The following KCTD16 variants were observed in gnomAD, a reference collection of about 807,000 sequenced individuals.
KCTD16 encodes the protein potassium channel tetramerization domain containing 16, also known as BTB/POZ domain-containing protein KCTD16.
Under a neutral mutation model 33.2 loss-of-function variants are expected in KCTD16, and 13 were observed. That is an observed-to-expected ratio of 0.39 (90% CI 0.25 to 0.62). The LOEUF (loss-of-function observed/expected upper bound fraction) is 0.62, where lower values mean the gene tolerates loss of function less well. Among genes scored for constraint, KCTD16 ranks in the 20% least tolerant of loss-of-function variants. KCTD16 has a pLI of 0.50. For synonymous variants in KCTD16, 197 were observed against 195.3 expected (o/e 1.01, Z -0.07); for missense variants, 441 against 525.1 (o/e 0.84, Z 1.57).
intron 2 of KCTD16, among the ~76,000 whole-genome samples, chr5:144,182,508 G>A (rs1434051805): frequency 6.6e-6 from 1 of 152,188 alleles, no homozygotes; most frequent in Non-Finnish European, 1.5e-5. Flanking sequence ...AGGTCAAAGG[G>A]TACAAAGTAG....
intron 3 of KCTD16, among the ~76,000 whole-genome samples, chr5:144,355,759 G>A (rs1391189175): frequency 6.6e-6 from 1 of 151,964 alleles, no homozygotes; most frequent in Admixed American, 6.6e-5. Context: ...ATTTGTTCAA[G>A]GCATTCTCAG....
intron 2 of KCTD16, among the ~76,000 whole-genome samples, chr5:144,201,276 T>A (rs973188900): frequency 1.3e-5 from 2 of 152,212 alleles, no homozygotes; most frequent in African/African-American, 4.8e-5. Context: ...TTTTAACCAC[T>A]GCGATACTGA....
intron 3 of KCTD16, among the ~76,000 whole-genome samples, chr5:144,390,717 C>T (rs1233957804): frequency 2.4e-4 from 36 of 151,948 alleles, no homozygotes; most frequent in Admixed American, 2.4e-3. Context: ...TGATGTTCCC[C>T]TCCCTGTGCC....
At chr5:144,253,433 G>A (rs1378969468) in intron 3 of KCTD16, among the ~76,000 whole-genome samples, 2 of 152,126 alleles carry the variant, frequency 1.3e-5, no homozygotes, top group African/African-American at 4.8e-5. Flanking sequence ...GTATCTTCAT[G>A]ATGCCAAGAA....
At chr5:144,176,634 C>T (rs1397478262) in intron 2 of KCTD16, among the ~76,000 whole-genome samples, 1 of 151,314 alleles carries the variant, frequency 6.6e-6, no homozygotes, top group Non-Finnish European at 1.5e-5. Flanking sequence ...GATCTCCTGA[C>T]CTCATGATCC....
chr5:144,327,873 C>T (rs184883313), intron 3 of KCTD16, among the ~76,000 whole-genome samples: 97 of 152,090 alleles, frequency 6.4e-4, no homozygotes, highest in Admixed American at 1.7e-3. Context: ...TGCAGCTTTC[C>T]GATGTTATAA....
intron 3 of KCTD16, among the ~76,000 whole-genome samples, chr5:144,304,345 A>C (rs1751532202): frequency 6.6e-6 from 1 of 152,190 alleles, no homozygotes; most frequent in Non-Finnish European, 1.5e-5. Flanking sequence ...TGCTGCACTT[A>C]GCTTTAGTCT....
intron 3 of KCTD16, among the ~76,000 whole-genome samples, chr5:144,390,763 G>A (rs1037290328): frequency 1.3e-5 from 2 of 151,968 alleles, no homozygotes; most frequent in African/African-American, 4.8e-5. Context: ...ACTTATGAGT[G>A]AGAACATGGG....
intron 3 of KCTD16, among the ~76,000 whole-genome samples, chr5:144,225,696 C>G (rs1352312569): frequency 6.6e-6 from 1 of 152,020 alleles, no homozygotes; most frequent in Non-Finnish European, 1.5e-5. Context: ...TCTTAGTGCC[C>G]TAGCAGGCAT....
intron 3 of KCTD16, among the ~76,000 whole-genome samples, chr5:144,213,882 T>C (rs1269144205): frequency 2.6e-5 from 4 of 152,230 alleles, no homozygotes; most frequent in African/African-American, 9.6e-5. Flanking sequence ...CTTCCATTCT[T>C]GTCATTAGAT....
At chr5:144,265,053 T>G (rs1197579704) in intron 3 of KCTD16, among the ~76,000 whole-genome samples, 1 of 152,226 alleles carries the variant, frequency 6.6e-6, no homozygotes, top group Non-Finnish European at 1.5e-5. Context: ...AACTCTCTAC[T>G]ATAGAAGAAT....
chr5:144,417,876 G>A (rs1703364713), intron 3 of KCTD16, among the ~76,000 whole-genome samples: 1 of 152,096 alleles, frequency 6.6e-6, no homozygotes. Context: ...CCTTCCTGTG[G>A]ATTCCTGGTC....
chr5:144,253,875 TAAACTTTAA>T (rs1289539485), intron 3 of KCTD16, among the ~76,000 whole-genome samples: 1 of 152,242 alleles, frequency 6.6e-6, no homozygotes, highest in East Asian at 1.9e-4. Flanking sequence ...GTTTTATACT[TAAACTTTAA>T]AAAATATGTT....
chr5:144,255,315 T>G (rs769039811), intron 3 of KCTD16, among the ~76,000 whole-genome samples: 4 of 152,206 alleles, frequency 2.6e-5, no homozygotes, highest in Non-Finnish European at 5.9e-5. Flanking sequence ...AGCCTCAAAT[T>G]GTATTGATTT....
At position 144,473,847 on chromosome 5, in the gene KCTD16, G is replaced by A. The variant is rs1454017193; in HGVS notation, c.1020G>A (p.Gln340=). The change falls in exon 4 of 4, where the codon CAG becomes CAA. Residue 340 remains glutamine (Q), a synonymous_variant. Coordinates refer to ENST00000512467, the MANE Select transcript of KCTD16 (RefSeq NM_020768.4). ...CGPVTRQTNI[Q]TLDRPIKKGP... is the part of the protein sequence containing the mutation. ...CCGTGACACGCCAGACCAACATCCA[G>A]ACTCTGGACCGTCCCATCAAGAAGG... 1.2e-5 allele frequency: 20 copies of A among 1,614,048 alleles called. No individual in the cohort carries two copies. Among genetic ancestry groups the A allele is most frequent in the Non-Finnish European group, 1.7e-5 (20 of 1,180,004 alleles).
intron 3 of KCTD16, among the ~76,000 whole-genome samples, chr5:144,441,353 G>T (rs187967611): frequency 5.3e-4 from 81 of 152,154 alleles, no homozygotes; most frequent in African/African-American, 1.8e-3. Context: ...AAGACAAAAA[G>T]ATTTACTTTT....
In KCTD16 at chr5:144,485,517, A is replaced by G. The variant is rs1026602489; in HGVS notation, c.*11403A>G. On this transcript the variant is annotated 3_prime_UTR_variant, in exon 4 of 4. Coordinates refer to ENST00000512467, the MANE Select transcript of KCTD16 (RefSeq NM_020768.4). ...ATTGTAAAATTGTATGGTGAAAACT[A>G]CAAAAGTCATTCTGTGGATATATTT... 4.6e-5 allele frequency: 7 copies of G among 151,922 alleles called. No homozygotes were observed. Among genetic ancestry groups the G allele is most frequent in the African/African-American group, 1.7e-4 (7 of 41,420 alleles). 9.4% of individuals were successfully genotyped at this position (151,922 alleles called of 1,614,324 possible). A position where few individuals can be genotyped will look rare whatever the true frequency, so the allele number is the denominator to read the frequency against.
chr5:144,483,361 G>C lies in KCTD16; in HGVS notation c.*9247G>C, dbSNP rs1754743386. On this transcript the variant is annotated 3_prime_UTR_variant, in exon 4 of 4. Coordinates refer to ENST00000512467, the MANE Select transcript of KCTD16 (RefSeq NM_020768.4). ...TGTGTCCCTACATGATTTATCGGTG[G>C]AGCTAATTATCTATTTATTTAAAGC... The C allele has an allele frequency of 6.6e-6, 1 of 151,672 alleles. No homozygotes were observed. Among genetic ancestry groups the C allele is most frequent in the African/African-American group, 2.4e-5 (1 of 41,314 alleles). The allele number at this position is 151,672 out of a possible 1,614,324, so 9.4% of individuals were successfully genotyped here.
intron 3 of KCTD16, among the ~76,000 whole-genome samples, chr5:144,223,262 T>C (rs1378617854): frequency 2.0e-5 from 3 of 152,140 alleles, no homozygotes; most frequent in Admixed American, 2.0e-4. Context: ...CTGCACATTG[T>C]GCACACGTAC....
Sources: allele counts gnomAD v4.1 joint callset (sites outside exome capture counted in the v4.1 genomes callset), GRCh38; gene constraint gnomAD v4.1.1; transcripts MANE v1.5; gene names NCBI Gene and HGNC (gene_info 2026-07-23, HGNC 2026-07-21).